Variants in ABI3BP observed in about 807,000 individuals in gnomAD.
ABI3BP encodes target of Nesh-SH3.
A neutral mutation model predicts 268.6 loss-of-function variants in ABI3BP; 216 were observed. The observed-to-expected ratio is 0.80, with a 90% CI of 0.72 to 0.90. The LOEUF (loss-of-function observed/expected upper bound fraction) is 0.90, where lower values mean the gene tolerates loss of function less well. Among genes scored for constraint, ABI3BP ranks in the 40% least tolerant of loss-of-function variants. The probability of loss-of-function intolerance (pLI) is 0.00; values close to 1 mark genes in which losing one functional copy is unlikely to be tolerated. For synonymous variants in ABI3BP, 730 were observed against 730.0 expected, an observed-to-expected ratio of 1.00 and a Z score of 0.00; for missense variants, 2,090 against 2,182.4, an observed-to-expected ratio of 0.96 and a Z score of 0.84.
At chr3:100,754,081 T>G (rs919601672) in intron 64 of ABI3BP, among the ~76,000 whole-genome samples, 3 of 152,238 alleles carry the variant, frequency 2.0e-5, no homozygotes, top group Non-Finnish European at 4.4e-5. Context: ...ATTTGAGTAC[T>G]TAGGAACATT....
rs144812208 is a variant in ABI3BP at position 100,814,224 on chromosome 3, C to G, written c.3290-489G>C. The stretch of plus-strand genomic sequence containing the variant: ...GATTCAAAATGTCCTTCTGAAAAAG[C>G]AGGAGCCTATTTGGAAAATTAAGTT... On this transcript the variant is annotated intron_variant, in intron 44 of 67. Coordinates refer to ENST00000471714, the MANE Select transcript of ABI3BP (RefSeq NM_001375547.2). Among the ~76,000 whole-genome samples the G allele has an allele frequency of 2.3e-3, 347 of 152,130 alleles. 4 individuals are homozygous for G. The highest frequency in any genetic ancestry group is 7.8e-3 in the African/African-American group (325 of 41,504).
chr3:100,915,674 ATAAGT>A (rs2058369696), intron 2 of ABI3BP, among the ~76,000 whole-genome samples: 1 of 152,192 alleles, frequency 6.6e-6, no homozygotes, highest in African/African-American at 2.4e-5. Context: ...AAACGGAAAG[ATAAGT>A]TAAGAATTCA....
chr3:100,977,916 G>T (rs950721415), intron 1 of ABI3BP, among the ~76,000 whole-genome samples: 2 of 152,094 alleles, frequency 1.3e-5, no homozygotes, highest in East Asian at 1.9e-4. Flanking sequence ...GGCCCTCTCT[G>T]CATGATCTAT....
intron 11 of ABI3BP, 188 bp from the exon 12 acceptor site, chr3:100,864,264 G>T: frequency 1.7e-6 from 1 of 583,998 alleles, no homozygotes; most frequent in Middle Eastern, 2.6e-4. Flanking sequence ...CATTCAAAGG[G>T]CAGTGGTGTG....
intron 46 of ABI3BP, 41 bp from the exon 47 acceptor site, chr3:100,811,840 C>T (rs975098980): frequency 1.5e-6 from 2 of 1,376,144 alleles, no homozygotes; most frequent in Admixed American, 2.0e-5. Context: ...GGTGGCCAAC[C>T]CAAAGCACAC....
chr3:100,875,046 A>G, intron 8 of ABI3BP, 113 bp from the exon 9 acceptor site: 2 of 564,208 alleles, frequency 3.5e-6, no homozygotes, highest in Non-Finnish European at 6.1e-6. Context: ...TATTTTGCTT[A>G]GTAAATTTTA....
intron 35 of ABI3BP, 145 bp downstream of exon 35, chr3:100,825,640 T>G (rs1047458649): frequency 1.0e-5 from 7 of 685,562 alleles, no homozygotes; most frequent in Non-Finnish European, 1.5e-5. Flanking sequence ...CTTCAGATGA[T>G]AGAAATAGTT....
intron 2 of ABI3BP, among the ~76,000 whole-genome samples, chr3:100,923,012 G>A (rs2060762173): frequency 1.3e-5 from 2 of 152,090 alleles, no homozygotes; most frequent in Admixed American, 1.3e-4. Flanking sequence ...AAATCTCTTG[G>A]CTTAAAGAAA....
chr3:100,992,242 C>T lies in ABI3BP; in HGVS notation c.79+1064G>A, dbSNP rs148344603. Among the ~76,000 whole-genome samples, 601 of 152,282 alleles carry T rather than the reference C, an allele frequency of 3.9e-3. 4 individuals carry two copies. The highest frequency in any genetic ancestry group is 0.013 in the African/African-American group (542 of 41,552). On this transcript the variant is annotated intron_variant, in intron 1 of 67. Coordinates refer to ENST00000471714, the MANE Select transcript of ABI3BP (RefSeq NM_001375547.2). ...AGCCAACCGCTTCAGCCTTCACATG[C>T]TGGATTCAAGTTTCACTTTACCCAC...
chr3:100,771,050 A>G (rs2096530449), intron 61 of ABI3BP, 98 bp from the exon 62 acceptor site: 1 of 1,094,102 alleles, frequency 9.1e-7, no homozygotes. Context: ...TTGGTCTCAT[A>G]TTATAAGCGG....
At position 100,864,042 on chromosome 3, in the gene ABI3BP, A is replaced by T. The variant is rs1364358689; in HGVS notation, c.1098T>A (p.Thr366=). 1 of 1,536,234 alleles carries T rather than the reference A, an allele frequency of 6.5e-7. No homozygotes were observed. The highest frequency in any genetic ancestry group is 8.7e-7 in the Non-Finnish European group (1 of 1,146,796). ...GCAATTCAAACTGAGGTATTAGAAT[A>T]GTTTGCAATGTTTCCGGGGTCCTTT... ...LSKRTPETLQ[T]ILIPQFELPL... Residue 366 remains threonine, a synonymous_variant, in exon 12 of 68, where the codon ACT becomes ACA. Transcript: ENST00000471714.
At chr3:100,875,310 C>A (rs1320574675) in intron 8 of ABI3BP, among the ~76,000 whole-genome samples, 198 bp downstream of exon 8, 2 of 152,192 alleles carry the variant, frequency 1.3e-5, no homozygotes, top group Non-Finnish European at 2.9e-5. Flanking sequence ...AGAGCTATTT[C>A]TTTAACACAC....
intron 42 of ABI3BP, 119 bp downstream of exon 42, chr3:100,817,316 AG>A: frequency 1.6e-6 from 1 of 640,084 alleles, no homozygotes; most frequent in Non-Finnish European, 2.5e-6. Context: ...ATAAAGTTGA[AG>A]GATAGCAGAA....
At chr3:100,938,369 C>T (rs2067242569) in intron 1 of ABI3BP, among the ~76,000 whole-genome samples, 1 of 151,326 alleles carries the variant, frequency 6.6e-6, no homozygotes, top group Non-Finnish European at 1.5e-5. Context: ...CTTAGGGAGT[C>T]GAAAAGGGAT....
At chr3:100,872,418 A>G (rs1367655260) in intron 9 of ABI3BP, among the ~76,000 whole-genome samples, 1 of 152,094 alleles carries the variant, frequency 6.6e-6, no homozygotes, top group Non-Finnish European at 1.5e-5. Context: ...TTTTTTAAAG[A>G]TTAGGAAATA....
chr3:100,939,456 A>G (rs2067837770), intron 1 of ABI3BP, among the ~76,000 whole-genome samples: 1 of 151,986 alleles, frequency 6.6e-6, no homozygotes, highest in African/African-American at 2.4e-5. Context: ...AGAGAGTACA[A>G]AAGAGAGAAA....
chr3:100,798,643 C>T (rs73152422), intron 51 of ABI3BP, among the ~76,000 whole-genome samples: 21,042 of 151,826 alleles, frequency 0.14, 1,897 homozygotes, highest in South Asian at 0.27. Context: ...TAAAGTGTGC[C>T]ACTCCAAAGA....
intron 1 of ABI3BP, among the ~76,000 whole-genome samples, chr3:100,939,140 T>A (rs2067669141): frequency 6.6e-6 from 1 of 152,052 alleles, no homozygotes; most frequent in Admixed American, 6.6e-5. Context: ...TCCATCACTG[T>A]CTTCCCAACT....
chr3:100,820,441 T>A, intron 39 of ABI3BP, 138 bp from the exon 40 acceptor site: 1 of 544,038 alleles, frequency 1.8e-6, no homozygotes, highest in Non-Finnish European at 3.1e-6. Flanking sequence ...ACTTTTTAAT[T>A]AGAAACATTC....
Sources: gnomAD v4.1 joint callset for allele counts (sites outside exome capture counted in the v4.1 genomes callset) on GRCh38, gnomAD v4.1.1 for gene constraint, MANE v1.5 for transcripts, NCBI Gene and HGNC (gene_info 2026-07-23, HGNC 2026-07-21) for gene names.